The following ARMC2 variants were observed in gnomAD, a reference collection of about 807,000 sequenced individuals.
ARMC2 encodes the protein armadillo repeat-containing protein 2.
Under a neutral mutation model 90.3 loss-of-function variants are expected in ARMC2, and 67 were observed. The ratio of observed to expected loss-of-function variants is 0.74; its 90% CI spans 0.61 to 0.91. The LOEUF (loss-of-function observed/expected upper bound fraction) is 0.91, where lower values mean the gene tolerates loss of function less well. Ranked by LOEUF, ARMC2 falls within the 40% of genes least tolerant of loss-of-function variation. ARMC2 has a pLI of 0.00. For missense variants in ARMC2, 920 were observed against 1,030.9 expected (o/e 0.89, Z 1.47); for synonymous variants, 393 against 393.0 (o/e 1.00, Z 0.00).
chr6:108,871,371 CT>C (rs1776395319), intron 4 of ARMC2, among the ~76,000 whole-genome samples: 1 of 152,228 alleles, frequency 6.6e-6, no homozygotes, highest in African/African-American at 2.4e-5. Context: ...ACCTGAGGAG[CT>C]TTTCAAACGC....
intron 11 of ARMC2, among the ~76,000 whole-genome samples, chr6:108,930,903 C>A: frequency 7.1e-6 from 1 of 140,296 alleles, no homozygotes; most frequent in Admixed American, 7.1e-5. Context: ...CCCCCACCCC[C>A]TTTTTTTTTT....
rs115041751 is a variant in ARMC2, at chr6:108,947,414, C to T, written c.1597-5619C>T. Among the ~76,000 whole-genome samples, 675 of 152,292 alleles carry T rather than the reference C, an allele frequency of 4.4e-3. 8 individuals are homozygous for T. The highest frequency in any genetic ancestry group is 0.015 in the African/African-American group (642 of 41,556). ...GAGTCTCCTGAAGCCTCAGTTTCAA[C>T]ATCTCTAAATAGGGGTAAAAATGTC... On this transcript the variant is annotated intron_variant, in intron 12 of 17. Transcript: ENST00000392644.
chr6:108,853,363 C>T (rs935799829), intron 1 of ARMC2, among the ~76,000 whole-genome samples: 4 of 152,086 alleles, frequency 2.6e-5, no homozygotes, highest in African/African-American at 9.7e-5. Context: ...TTTCCTGGGG[C>T]ATGTGTCACA....
intron 13 of ARMC2, among the ~76,000 whole-genome samples, chr6:108,958,772 G>A (rs1251327997): frequency 6.6e-6 from 1 of 152,200 alleles, no homozygotes; most frequent in South Asian, 2.1e-4. Context: ...CCCACTATGT[G>A]CCATGCACTC....
intron 10 of ARMC2, among the ~76,000 whole-genome samples, chr6:108,920,623 G>C (rs1774461692): frequency 6.6e-6 from 1 of 152,104 alleles, no homozygotes; most frequent in Non-Finnish European, 1.5e-5. Flanking sequence ...GTAATGCCTT[G>C]GGTTTTTTAC....
intron 3 of ARMC2, among the ~76,000 whole-genome samples, chr6:108,862,342 C>CAAAAAAAAAAAAAAAAAAA (rs71551359): frequency 2.7e-5 from 1 of 36,606 alleles, no homozygotes. Flanking sequence ...AGACTCATCT[C>CAAAAAAAAAAAAAAAAAAA]AAAAAAAAAA....
At chr6:108,949,213 T>A (rs534270552) in intron 12 of ARMC2, among the ~76,000 whole-genome samples, 1 of 152,310 alleles carries the variant, frequency 6.6e-6, no homozygotes, top group South Asian at 2.1e-4. Flanking sequence ...GAGAGCCCAA[T>A]TCCAGGAACA....
intron 7 of ARMC2, 25 bp downstream of exon 7, chr6:108,899,817 A>C: frequency 1.9e-6 from 3 of 1,565,794 alleles, no homozygotes; most frequent in Non-Finnish European, 2.6e-6. Flanking sequence ...AACAAACAAA[A>C]AACCGTTTTT....
chr6:108,907,584 T>C lies in ARMC2; in HGVS notation c.1023+3179T>C, dbSNP rs1562376000. 18 of 1,518,018 alleles carry C rather than the reference T, an allele frequency of 1.2e-5. 1 individual carries two copies. The East Asian group carries it at 3.7e-4, about 31-fold the overall frequency. 94.0% of individuals were successfully genotyped at this position (1,518,018 alleles called of 1,614,324 possible). On this transcript the variant is annotated intron_variant, in intron 8 of 17. Coordinates refer to ENST00000392644, the MANE Select transcript of ARMC2 (RefSeq NM_032131.6). ...AGGGGCTCGGGCCAAGGTCGTGGGG[T>C]GGGGGGGTGCAGAGCGTGTCCTCTT...
Position 108,937,120 on chromosome 6 carries a change from G to C in ARMC2, c.1596+121G>C, listed in dbSNP as rs567050350. The C allele has an allele frequency of 4.6e-5, 40 of 861,522 alleles. No homozygotes were observed. The Admixed American group carries it at 8.7e-4, about 19-fold the overall frequency. 53.4% of individuals were successfully genotyped at this position (861,522 alleles called of 1,614,324 possible). ...TTTCTATAAGAAACTTCCATTAAAT[G>C]TATAATGGGCTGTCCTGGGAAGCAG... On this transcript the variant is annotated intron_variant, in intron 12 of 17. Transcript: ENST00000392644.
chr6:108,991,931 T>G, the ARMC2 span, among the ~76,000 whole-genome samples: 10 of 152,294 alleles, frequency 6.6e-5, no homozygotes, highest in African/African-American at 1.9e-4. Flanking sequence ...CAACCTAAGC[T>G]TAATTATTGT....
At chr6:108,848,721 G>A (rs935188418) in intron 1 of ARMC2, 175 bp downstream of exon 1, 1 of 152,714 alleles carries the variant, frequency 6.5e-6, no homozygotes. Flanking sequence ...GAAGTGGGAG[G>A]GTGGCCGGGC....
chr6:108,992,040 T>C, the ARMC2 span, among the ~76,000 whole-genome samples: 3 of 152,350 alleles, frequency 2.0e-5, no homozygotes, highest in East Asian at 5.8e-4. Flanking sequence ...TGTCTTCAAT[T>C]TCTAATCTAT....
chr6:108,998,946 A>G, the ARMC2 span: 4 of 518,800 alleles, frequency 7.7e-6, no homozygotes, highest in Non-Finnish European at 1.3e-5. Flanking sequence ...AGAACTTAAC[A>G]TAATCTGTTA....
chr6:109,045,067 CACT>C, the ARMC2 span, among the ~76,000 whole-genome samples: 3 of 151,930 alleles, frequency 2.0e-5, no homozygotes, highest in East Asian at 5.8e-4. Flanking sequence ...AAACCCATTG[CACT>C]ACGCTACCAC....
At chr6:108,880,522 T>A (rs952573242) in intron 5 of ARMC2, among the ~76,000 whole-genome samples, 1 of 152,166 alleles carries the variant, frequency 6.6e-6, no homozygotes, top group African/African-American at 2.4e-5. Context: ...TGGAGAGAGA[T>A]GCTGAGAGGG....
chr6:108,890,255 A>T (rs1770869385), intron 5 of ARMC2, among the ~76,000 whole-genome samples: 1 of 140,002 alleles, frequency 7.1e-6, no homozygotes, highest in African/African-American at 2.7e-5. Flanking sequence ...TCCTCAGAGT[A>T]GATTTTAAAC....
chr6:109,020,182 C>CT, the ARMC2 span, among the ~76,000 whole-genome samples: 1 of 152,206 alleles, frequency 6.6e-6, no homozygotes, highest in East Asian at 1.9e-4. Context: ...TAAGCTTCTT[C>CT]TTTTTTTCTT....
chr6:108,907,458 C>CTTTTTTTTTTTTTTTTTTTCTTTTTTT (rs759986578), intron 8 of ARMC2, among the ~76,000 whole-genome samples: 1 of 104,454 alleles, frequency 9.6e-6, no homozygotes, highest in African/African-American at 3.4e-5. Flanking sequence ...TTCTTTCTTT[C>CTTTTTTTTTTTTTTTTTTTCTTTTTTT]TTTTTTTTTT....
Sources: gnomAD v4.1 joint callset for allele counts (sites outside exome capture counted in the v4.1 genomes callset) on GRCh38, gnomAD v4.1.1 for gene constraint, MANE v1.5 for transcripts, NCBI Gene and HGNC (gene_info 2026-07-23, HGNC 2026-07-21) for gene names.